Variants in AGBL4 observed in about 807,000 individuals in gnomAD.
The protein encoded by AGBL4 is AGBL carboxypeptidase 4.
Under a neutral mutation model 66.4 loss-of-function variants are expected in AGBL4, and 58 were observed. The ratio of observed to expected loss-of-function variants is 0.87; its 90% CI spans 0.71 to 1.09. The LOEUF is 1.09. AGBL4 is among the 50% of genes least tolerant of loss of function. The pLI is 0.00. For missense variants in AGBL4, 579 were observed against 631.0 expected (o/e 0.92, Z 0.88); for synonymous variants, 234 against 222.9 (o/e 1.05, Z -0.44).
At chr1:48,726,177 T>C (rs1225469421) in intron 6 of AGBL4, among the ~76,000 whole-genome samples, 1 of 152,206 alleles carries the variant, frequency 6.6e-6, no homozygotes, top group Non-Finnish European at 1.5e-5. Flanking sequence ...TTCAAAAATA[T>C]CATAGCATTT....
chr1:48,550,299 A>C (rs1644229853), intron 11 of AGBL4, among the ~76,000 whole-genome samples: 1 of 151,728 alleles, frequency 6.6e-6, no homozygotes, highest in Non-Finnish European at 1.5e-5. Context: ...TAGGTGTCAC[A>C]GGCCTGCATT....
At chr1:49,703,664 G>A (rs1647143591) in intron 2 of AGBL4, among the ~76,000 whole-genome samples, 1 of 151,840 alleles carries the variant, frequency 6.6e-6, no homozygotes, top group Non-Finnish European at 1.5e-5. Flanking sequence ...CCGAGATCAA[G>A]CATGTAGGGT....
intron 6 of AGBL4, among the ~76,000 whole-genome samples, chr1:48,764,336 G>A (rs1239580124): frequency 1.3e-5 from 2 of 152,198 alleles, no homozygotes; most frequent in African/African-American, 4.8e-5. Context: ...TCACGTTGCA[G>A]AACTGTGAAG....
intron 4 of AGBL4, among the ~76,000 whole-genome samples, chr1:49,135,453 A>G (rs1221035445): frequency 1.3e-5 from 2 of 152,130 alleles, no homozygotes; most frequent in Non-Finnish European, 2.9e-5. Flanking sequence ...ACACAGAAAT[A>G]TAGAGGTGTG....
intron 5 of AGBL4, among the ~76,000 whole-genome samples, chr1:49,035,603 T>G (rs1419352414): frequency 6.6e-6 from 1 of 152,124 alleles, no homozygotes; most frequent in African/African-American, 2.4e-5. Flanking sequence ...AGCTGTTGAT[T>G]ACCAGTTTCA....
chr1:49,489,694 T>A (rs906361508), intron 3 of AGBL4, among the ~76,000 whole-genome samples: 5 of 151,922 alleles, frequency 3.3e-5, no homozygotes, highest in Non-Finnish European at 7.4e-5. Context: ...TTAATCCATT[T>A]TGAATTGATT....
intron 5 of AGBL4, among the ~76,000 whole-genome samples, chr1:49,014,691 C>T (rs931146828): frequency 6.6e-6 from 1 of 152,180 alleles, no homozygotes; most frequent in East Asian, 1.9e-4. Flanking sequence ...GCTCTAGCTG[C>T]TTTGCTAGCC....
intron 3 of AGBL4, among the ~76,000 whole-genome samples, chr1:49,577,115 G>A (rs904914732): frequency 6.6e-6 from 1 of 152,212 alleles, no homozygotes; most frequent in African/African-American, 2.4e-5. Flanking sequence ...GAAATTTGGG[G>A]ACAAGGTATG....
intron 12 of AGBL4, among the ~76,000 whole-genome samples, chr1:48,536,928 G>C (rs1643981188): frequency 1.3e-5 from 2 of 152,196 alleles, no homozygotes; most frequent in Admixed American, 1.3e-4. Flanking sequence ...CCCCTCCTGA[G>C]GGACCCTATC....
Position 48,841,667 on chromosome 1 carries a change from G to T in AGBL4, c.634+25524C>A, listed in dbSNP as rs551253238. Among the ~76,000 whole-genome samples the T allele has an allele frequency of 7.9e-5, 12 of 152,024 alleles. 1 individual carries two copies. The East Asian group carries it at 2.3e-3, about 29-fold the overall frequency. On this transcript the variant is annotated intron_variant, in intron 6 of 13. Transcript: ENST00000371839. ...TAATACCCAAGGAGAAGGCAAAAAG[G>T]GGCCTCCATAAACCATGAGATTTGA...
rs1041336352 is a variant in AGBL4 at position 48,542,200 on chromosome 1, C to T, written c.1268-2462G>A. ...TCTTTTTTATGGCTGCATAATATTC[C>T]GTGGTGCATATGTGCCACATTTTCT... On this transcript the variant is annotated intron_variant, in intron 11 of 13. Coordinates refer to ENST00000371839, the MANE Select transcript of AGBL4 (RefSeq NM_032785.4). Among the ~76,000 whole-genome samples, 11 of 152,282 alleles carry T rather than the reference C, an allele frequency of 7.2e-5. No individual in the cohort carries two copies. The East Asian group carries it at 1.2e-3, about 16-fold the overall frequency.
chr1:49,575,128 G>A (rs141869903), intron 3 of AGBL4, among the ~76,000 whole-genome samples: 151 of 152,218 alleles, frequency 9.9e-4, no homozygotes, highest in African/African-American at 3.5e-3. Flanking sequence ...CTGGGGAAAG[G>A]GAAATAATCA....
chr1:48,865,371 G>T (rs1460003026), intron 6 of AGBL4, among the ~76,000 whole-genome samples: 1 of 152,156 alleles, frequency 6.6e-6, no homozygotes, highest in African/African-American at 2.4e-5. Flanking sequence ...AGTTGCGCTA[G>T]GTCCTACCTG....
intron 3 of AGBL4, among the ~76,000 whole-genome samples, chr1:49,538,323 T>G: frequency 6.6e-6 from 1 of 152,198 alleles, no homozygotes; most frequent in East Asian, 1.9e-4. Flanking sequence ...TGGAGGTTAT[T>G]ATTGGCATCT....
chr1:49,223,639 T>A (rs1381493919), intron 4 of AGBL4, among the ~76,000 whole-genome samples: 1 of 152,210 alleles, frequency 6.6e-6, no homozygotes, highest in Non-Finnish European at 1.5e-5. Context: ...AAGTTGGGTA[T>A]GCGACCCTTC....
chr1:48,566,021 A>T (rs1459541508), intron 11 of AGBL4, among the ~76,000 whole-genome samples: 2 of 152,104 alleles, frequency 1.3e-5, no homozygotes, highest in Non-Finnish European at 2.9e-5. Flanking sequence ...TTCTGCATAT[A>T]CCATCCACTC....
intron 9 of AGBL4, among the ~76,000 whole-genome samples, chr1:48,599,327 A>C (rs1448125437): frequency 1.3e-5 from 2 of 152,240 alleles, no homozygotes; most frequent in African/African-American, 2.4e-5. Context: ...GTTATGTATT[A>C]TACATAATTG....
intron 2 of AGBL4, among the ~76,000 whole-genome samples, chr1:49,800,003 C>G (rs184739985): frequency 2.0e-5 from 3 of 152,290 alleles, no homozygotes; most frequent in Non-Finnish European, 4.4e-5. Context: ...AATCCCTTAA[C>G]TATAAGTAAC....
At chr1:49,961,746 A>C (rs950586294) in intron 1 of AGBL4, among the ~76,000 whole-genome samples, 1 of 152,154 alleles carries the variant, frequency 6.6e-6, no homozygotes, top group Admixed American at 6.6e-5. Context: ...ATAATGGTTC[A>C]ATCAGTAACT....
Sources: gnomAD v4.1 joint callset for allele counts (sites outside exome capture counted in the v4.1 genomes callset) on GRCh38, gnomAD v4.1.1 for gene constraint, MANE v1.5 for transcripts, NCBI Gene and HGNC (gene_info 2026-07-23, HGNC 2026-07-21) for gene names.